The following SLC26A8 variants were observed in gnomAD, a reference collection of about 807,000 sequenced individuals.
SLC26A8 encodes solute carrier family 26 member 8.
A neutral mutation model predicts 105.0 loss-of-function variants in SLC26A8; 70 were observed. That is an observed-to-expected ratio of 0.67 (90% CI 0.55 to 0.81). The LOEUF is 0.81. SLC26A8 is among the 40% of genes least tolerant of loss of function. SLC26A8 has a pLI of 0.00. For synonymous variants in SLC26A8, 415 were observed against 438.3 expected (o/e 0.95, Z 0.66); for missense variants, 998 against 1,181.8 (o/e 0.84, Z 2.28).
At position 35,981,839 on chromosome 6, in the gene SLC26A8, T is replaced by C. The variant is rs745460072; in HGVS notation, c.1025+282A>G. ...GTATAGTAGTTGAGAAGGCCTATCA[T>C]GTGCTATGAAAAAAAACATGAGATT... On this transcript the variant is annotated intron_variant, in intron 8 of 19. Transcript: ENST00000490799. The surrounding 1 kb of genome is among the most constrained non-coding windows in gnomAD (Gnocchi z 4.0). Among the ~76,000 whole-genome samples the C allele has an allele frequency of 7.9e-5, 12 of 152,114 alleles. No individual in the cohort carries two copies. Among genetic ancestry groups the C allele is most frequent in the Non-Finnish European group, 1.6e-4 (11 of 68,012 alleles).
At position 35,944,211 on chromosome 6, in the gene SLC26A8, G is replaced by T. The variant is rs773691088; in HGVS notation, c.2602C>A (p.Gln868Lys). 17 of 1,613,912 alleles carry T rather than the reference G, an allele frequency of 1.1e-5. 1 individual carries two copies. The South Asian group carries it at 1.3e-4, about 13-fold the overall frequency. The change falls in exon 20 of 20, where the codon CAA becomes AAA. Residue 868 changes from glutamine to lysine, a missense_variant. Coordinates refer to ENST00000490799, the MANE Select transcript of SLC26A8 (RefSeq NM_052961.4). ...AGGTCCAGACCCAGCCCAGCCTCTT[G>T]TTCTGATTCCAGCTCCAAATCCAAC... is the stretch of plus-strand genomic sequence containing the variant. The part of the protein sequence containing the change: ...SELDLELESE[Q>K]EAGLGLDLDL...
At chr6:35,994,885 C>T (rs1324285378) in intron 5 of SLC26A8, among the ~76,000 whole-genome samples, 1 of 152,188 alleles carries the variant, frequency 6.6e-6, no homozygotes, top group Non-Finnish European at 1.5e-5. Flanking sequence ...CCTGCATCAT[C>T]TTTCAAGAGC....
intron 2 of SLC26A8, among the ~76,000 whole-genome samples, chr6:36,017,823 A>T (rs1762035298): frequency 6.6e-6 from 1 of 152,222 alleles, no homozygotes; most frequent in South Asian, 2.1e-4. Context: ...ACTCAACAAC[A>T]AAAAGACAAA....
chr6:35,998,372 A>C (rs1761418880), intron 4 of SLC26A8, among the ~76,000 whole-genome samples: 1 of 152,112 alleles, frequency 6.6e-6, no homozygotes, highest in African/African-American at 2.4e-5. Flanking sequence ...CCTGACCAAC[A>C]TGGAGAAACC....
intron 11 of SLC26A8, 102 bp downstream of exon 11, chr6:35,968,775 C>CGCCCCCCCGCCCCCA (rs1322453564): frequency 8.8e-6 from 1 of 113,624 alleles, no homozygotes; most frequent in Non-Finnish European, 1.8e-5. Flanking sequence ...CGGAGATGCC[C>CGCCCCCCCGCCCCCA]GCCCCCCCGC....
At chr6:35,957,190 C>G (rs867125666) in intron 16 of SLC26A8, among the ~76,000 whole-genome samples, 1 of 152,002 alleles carries the variant, frequency 6.6e-6, no homozygotes, top group Non-Finnish European at 1.5e-5. Flanking sequence ...CCATCCCACT[C>G]CAGCCCCGGT....
At chr6:35,950,076 C>A (rs868615297) in intron 19 of SLC26A8, among the ~76,000 whole-genome samples, 5 of 152,116 alleles carry the variant, frequency 3.3e-5, no homozygotes, top group African/African-American at 1.2e-4. Context: ...GGATTACAGG[C>A]GTGAGCCATC....
chr6:35,995,890 G>C (rs1477171708), intron 5 of SLC26A8, among the ~76,000 whole-genome samples: 1 of 152,082 alleles, frequency 6.6e-6, no homozygotes, highest in South Asian at 2.1e-4. Context: ...TAATTAAAAG[G>C]TTGCTTGTGT....
rs183574614 is a variant in SLC26A8, at chr6:35,960,771, A to G, written c.1638+72T>C. ...AGGAAACAATGGCAAGGGATTTTGTAGAAAAACTAAGCATGAGGTGGGGCC... is the reference window on the plus strand; with the variant it reads ...AGGAAACAATGGCAAGGGATTTTGTGGAAAAACTAAGCATGAGGTGGGGCC... On this transcript the variant is annotated intron_variant, in intron 14 of 19. Transcript: ENST00000490799. 4 of 1,428,454 alleles carry G rather than the reference A, an allele frequency of 2.8e-6. No homozygotes were observed. The Admixed American group carries it at 5.5e-5, about 20-fold the overall frequency. 88.5% of individuals were successfully genotyped at this position (1,428,454 alleles called of 1,614,324 possible).
chr6:36,001,920 C>T (rs1158496624), intron 3 of SLC26A8, among the ~76,000 whole-genome samples: 1 of 152,138 alleles, frequency 6.6e-6, no homozygotes, highest in African/African-American at 2.4e-5. Flanking sequence ...CACGAGAGAC[C>T]TCGAACCAGA....
intron 10 of SLC26A8, among the ~76,000 whole-genome samples, chr6:35,974,922 T>TC (rs1266774324): frequency 6.6e-6 from 1 of 151,614 alleles, no homozygotes; most frequent in Non-Finnish European, 1.5e-5. Context: ...TTTTTTTTCT[T>TC]TTTTTTTGTA....
intron 7 of SLC26A8, among the ~76,000 whole-genome samples, chr6:35,984,460 C>G (rs1773412620): frequency 6.6e-6 from 1 of 151,558 alleles, no homozygotes; most frequent in Non-Finnish European, 1.5e-5. Flanking sequence ...GTAGCTAGGA[C>G]TACAGGCGTG....
At chr6:36,006,698 A>G (rs1184311393) in intron 3 of SLC26A8, among the ~76,000 whole-genome samples, 1 of 152,234 alleles carries the variant, frequency 6.6e-6, no homozygotes, top group Non-Finnish European at 1.5e-5. Flanking sequence ...ATAGAAATAA[A>G]GTGACTATGT....
chr6:35,982,483 C>T (rs1773314603), intron 7 of SLC26A8, among the ~76,000 whole-genome samples: 1 of 152,100 alleles, frequency 6.6e-6, no homozygotes, highest in South Asian at 2.1e-4. Flanking sequence ...CTTCTGTATC[C>T]CCATCATCTT....
rs73405853 is a variant in SLC26A8, at chr6:35,992,496, T to C, written c.792+14A>G. ...TGGCATTTGTAACTCTGGGTAAGAG[T>C]TGAAATTACTCACATAGAAGAAGGA... On this transcript the variant is annotated intron_variant, in intron 6 of 19. Coordinates refer to ENST00000490799, the MANE Select transcript of SLC26A8 (RefSeq NM_052961.4). 5,406 of 1,604,370 alleles carry C rather than the reference T, an allele frequency of 3.4e-3. 109 individuals carry two copies. The East Asian group carries it at 0.038, about 11-fold the overall frequency.
intron 5 of SLC26A8, among the ~76,000 whole-genome samples, chr6:35,994,106 T>C (rs555241602): frequency 2.7e-4 from 37 of 139,140 alleles, no homozygotes; most frequent in Non-Finnish European, 4.9e-4. Flanking sequence ...TCTCCCTTTT[T>C]TTTTCTTTTC....
chr6:35,986,024 C>CTTTTTTTTTTT (rs34715373), intron 7 of SLC26A8, among the ~76,000 whole-genome samples: 1 of 71,322 alleles, frequency 1.4e-5, no homozygotes, highest in African/African-American at 5.4e-5. Context: ...ACATATACAT[C>CTTTTTTTTTTT]TTTTTTTTTT....
intron 1 of SLC26A8, among the ~76,000 whole-genome samples, chr6:36,023,834 G>A (rs1402544187): frequency 6.6e-6 from 1 of 152,164 alleles, no homozygotes; most frequent in Non-Finnish European, 1.5e-5. Flanking sequence ...TATAAGCAAA[G>A]AGCCTGGCCT....
rs1206265260 is a variant in SLC26A8 at position 35,960,983 on chromosome 6, G to T, written c.1568+10C>A. ...GCCTTGTTAACCTCCTATTACCTGA[G>T]ACAAAGTACCTGTGTGAACGAACAG... On this transcript the variant is annotated intron_variant, in intron 13 of 19. Transcript: ENST00000490799. 1 of 1,613,916 alleles carries T rather than the reference G, an allele frequency of 6.2e-7. No individual in the cohort carries two copies. Among genetic ancestry groups the T allele is most frequent in the African/African-American group, 1.3e-5 (1 of 74,914 alleles).
Sources: allele counts gnomAD v4.1 joint callset (sites outside exome capture counted in the v4.1 genomes callset), GRCh38; gene constraint gnomAD v4.1.1; non-coding constraint Gnocchi (gnomAD v3.1); transcripts MANE v1.5; gene names NCBI Gene and HGNC (gene_info 2026-07-23, HGNC 2026-07-21).